RUNX2: variants seen among roughly 807,000 people sequenced by gnomAD.
The protein encoded by RUNX2 is RUNX family transcription factor 2, also known as runt-related transcription factor 2.
A neutral mutation model predicts 51.7 loss-of-function variants in RUNX2; 10 were observed. The observed-to-expected ratio is 0.19, with a 90% confidence interval of 0.12 to 0.33. The LOEUF (loss-of-function observed/expected upper bound fraction) is 0.33, where lower values mean the gene tolerates loss of function less well. Ranked by LOEUF, RUNX2 falls within the 10% of genes least tolerant of loss-of-function variation. RUNX2 has a pLI of 1.00. For synonymous variants in RUNX2, 276 were observed against 273.6 expected (o/e 1.01, Z -0.09); for missense variants, 562 against 691.3 (o/e 0.81, Z 2.10).
chr6:45,444,854 G>A (rs193231939), intron 5 of RUNX2, among the ~76,000 whole-genome samples: 2 of 152,136 alleles, frequency 1.3e-5, no homozygotes, highest in Non-Finnish European at 2.9e-5. Flanking sequence ...GCCTGGTGAA[G>A]GGTGGAGAGA....
chr6:45,408,029 A>C (rs1366708624), intron 2 of RUNX2, among the ~76,000 whole-genome samples: 1 of 152,194 alleles, frequency 6.6e-6, no homozygotes, highest in Non-Finnish European at 1.5e-5. Context: ...ACTACATTAT[A>C]CTTTTTATAA....
intron 2 of RUNX2, among the ~76,000 whole-genome samples, chr6:45,406,279 T>C (rs1049644974): frequency 2.6e-5 from 4 of 152,130 alleles, no homozygotes; most frequent in East Asian, 1.9e-4. Context: ...ACGACTACAG[T>C]AGAAATTATC....
intron 3 of RUNX2, among the ~76,000 whole-genome samples, chr6:45,423,843 G>T (rs1388340571): frequency 6.6e-6 from 1 of 152,192 alleles, no homozygotes; most frequent in African/African-American, 2.4e-5. Flanking sequence ...GGAGGCGCGG[G>T]CCAGGGGACG....
chr6:45,348,856 CTCTT>C (rs1439860482), intron 2 of RUNX2, among the ~76,000 whole-genome samples: 2 of 152,116 alleles, frequency 1.3e-5, no homozygotes, highest in African/African-American at 2.4e-5. Context: ...TAAATGAACT[CTCTT>C]TGAGAGGCTT....
chr6:45,447,829 T>C (rs1799046140), intron 5 of RUNX2, among the ~76,000 whole-genome samples: 1 of 152,206 alleles, frequency 6.6e-6, no homozygotes, highest in Non-Finnish European at 1.5e-5. Context: ...TGAGAAACTG[T>C]TAGTGTGAAA....
intron 5 of RUNX2, among the ~76,000 whole-genome samples, chr6:45,444,266 G>T (rs1167320760): frequency 1.3e-5 from 2 of 152,186 alleles, no homozygotes; most frequent in Admixed American, 6.5e-5. Flanking sequence ...TTGTGTGTCG[G>T]GTCTCAGGTA....
intron 7 of RUNX2, among the ~76,000 whole-genome samples, chr6:45,519,040 T>A (rs768307110): frequency 6.6e-6 from 1 of 152,188 alleles, no homozygotes; most frequent in African/African-American, 2.4e-5. Flanking sequence ...TAGAAATCGC[T>A]GAATCATATA....
intron 2 of RUNX2, among the ~76,000 whole-genome samples, chr6:45,348,828 A>C (rs144980419): frequency 2.6e-5 from 4 of 152,188 alleles, no homozygotes; most frequent in African/African-American, 9.6e-5. Context: ...ATTCCTATCG[A>C]TCCTTCATGT....
chr6:45,443,300 T>C (rs1798895607), intron 5 of RUNX2, among the ~76,000 whole-genome samples: 1 of 152,050 alleles, frequency 6.6e-6, no homozygotes, highest in Non-Finnish European at 1.5e-5. Context: ...ATCCTCCTGC[T>C]TTGGCCTCCT....
intron 2 of RUNX2, among the ~76,000 whole-genome samples, chr6:45,334,293 C>T (rs1273942790): frequency 1.3e-5 from 2 of 150,932 alleles, no homozygotes; most frequent in Non-Finnish European, 3.0e-5. Flanking sequence ...ATACCATCAA[C>T]TATAAACATA....
intron 7 of RUNX2, among the ~76,000 whole-genome samples, chr6:45,541,690 C>T (rs147510564): frequency 2.0e-5 from 3 of 152,316 alleles, no homozygotes; most frequent in Non-Finnish European, 4.4e-5. Context: ...AGCATATGTT[C>T]AGTCTGGATT....
chr6:45,485,697 G>GTGTATATATATATATATATATATATA (rs1219072282), intron 5 of RUNX2, among the ~76,000 whole-genome samples: 33 of 104,038 alleles, frequency 3.2e-4, no homozygotes, highest in African/African-American at 1.1e-3. Flanking sequence ...GTGTGTGTGT[G>GTGTATATATATATATATATATATATA]TATATATATA....
intron 5 of RUNX2, among the ~76,000 whole-genome samples, chr6:45,470,927 C>G (rs1245040335): frequency 6.6e-6 from 1 of 152,234 alleles, no homozygotes; most frequent in Non-Finnish European, 1.5e-5. Flanking sequence ...CTCTACCACT[C>G]TGTCCCAGAG....
intron 5 of RUNX2, among the ~76,000 whole-genome samples, chr6:45,450,966 A>G (rs1799153982): frequency 6.6e-6 from 1 of 151,856 alleles, no homozygotes. Flanking sequence ...GCCCCAAACC[A>G]CTCTCTTATC....
chr6:45,369,629 C>G (rs1406673665), intron 2 of RUNX2, among the ~76,000 whole-genome samples: 1 of 152,100 alleles, frequency 6.6e-6, no homozygotes, highest in African/African-American at 2.4e-5. Flanking sequence ...AAGACACACT[C>G]TTATTTAAAG....
chr6:45,456,641 C>T (rs1408504369), intron 5 of RUNX2, among the ~76,000 whole-genome samples: 3 of 152,180 alleles, frequency 2.0e-5, no homozygotes, highest in African/African-American at 7.2e-5. Context: ...TGGGTTTCCT[C>T]TTCAGACTTC....
At chr6:45,331,692 A>G (rs1345221821) in intron 2 of RUNX2, among the ~76,000 whole-genome samples, 1 of 151,990 alleles carries the variant, frequency 6.6e-6, no homozygotes, top group African/African-American at 2.4e-5. Flanking sequence ...TAAAACACTG[A>G]AAAGAAATTG....
chr6:45,405,705 T>A (rs1359982189), intron 2 of RUNX2, among the ~76,000 whole-genome samples: 3 of 152,082 alleles, frequency 2.0e-5, no homozygotes, highest in Non-Finnish European at 2.9e-5. Context: ...GAGAATCACT[T>A]GAACCCAGGA....
chr6:45,424,485 G>T (rs1039919411), intron 3 of RUNX2, among the ~76,000 whole-genome samples: 1 of 152,116 alleles, frequency 6.6e-6, no homozygotes, highest in Non-Finnish European at 1.5e-5. Flanking sequence ...GGTGGGCCTG[G>T]GTCCCCTGGG....
Sources: gnomAD v4.1 joint callset for allele counts (sites outside exome capture counted in the v4.1 genomes callset) on GRCh38, gnomAD v4.1.1 for gene constraint, MANE v1.5 for transcripts, NCBI Gene and HGNC (gene_info 2026-07-23, HGNC 2026-07-21) for gene names.